Variants in SCAI observed in about 807,000 individuals in gnomAD.
SCAI encodes the protein protein SCAI.
Under a neutral mutation model 92.2 loss-of-function variants are expected in SCAI, and 24 were observed. The ratio of observed to expected loss-of-function variants is 0.26; its 90% CI spans 0.19 to 0.37. The LOEUF (loss-of-function observed/expected upper bound fraction) is 0.37, where lower values mean the gene tolerates loss of function less well. SCAI is among the 10% of genes least tolerant of loss of function. SCAI has a pLI of 1.00. For missense variants in SCAI, 450 were observed against 736.2 expected, an observed-to-expected ratio of 0.61 and a Z score of 4.50; for synonymous variants, 261 against 258.6, an observed-to-expected ratio of 1.01 and a Z score of -0.09.
At chr9:125,056,994 A>C (rs778034862) in intron 2 of SCAI, among the ~76,000 whole-genome samples, 6 of 152,236 alleles carry the variant, frequency 3.9e-5, no homozygotes, top group Non-Finnish European at 8.8e-5. Flanking sequence ...TGCCATGTAA[A>C]AACAGAAAAC....
At chr9:124,968,630 C>T (rs958464105) in intron 17 of SCAI, 14 of 971,708 alleles carry the variant, frequency 1.4e-5, no homozygotes, top group East Asian at 7.2e-5. Context: ...GTGATTCCTC[C>T]GCTAGTCTTT....
At chr9:125,140,414 G>C (rs1835640740) in intron 2 of SCAI, among the ~76,000 whole-genome samples, 1 of 152,096 alleles carries the variant, frequency 6.6e-6, no homozygotes. Context: ...TGTAATCCCA[G>C]CTAATCGGGA....
intron 9 of SCAI, among the ~76,000 whole-genome samples, chr9:125,012,459 A>G (rs1182007875): frequency 1.3e-5 from 2 of 152,242 alleles, no homozygotes; most frequent in East Asian, 3.8e-4. Context: ...TGGTAAAGGG[A>G]TCGATTCAAC....
intron 2 of SCAI, among the ~76,000 whole-genome samples, chr9:125,061,288 C>G (rs989315649): frequency 6.6e-6 from 1 of 151,686 alleles, no homozygotes; most frequent in Non-Finnish European, 1.5e-5. Context: ...TACAGCGAGA[C>G]TCCGTCTCAA....
At chr9:125,059,827 C>T (rs1016658744) in intron 2 of SCAI, among the ~76,000 whole-genome samples, 4 of 152,188 alleles carry the variant, frequency 2.6e-5, no homozygotes, top group Non-Finnish European at 1.5e-5. Context: ...CTAGCACACA[C>T]GTACCTATTC....
At chr9:125,084,328 G>A (rs913138667) in intron 2 of SCAI, among the ~76,000 whole-genome samples, 2 of 151,692 alleles carry the variant, frequency 1.3e-5, no homozygotes, top group Non-Finnish European at 2.9e-5. Flanking sequence ...CCACCACCAC[G>A]CCCGGCTAAC....
At chr9:125,031,379 A>C (rs955785942) in intron 3 of SCAI, among the ~76,000 whole-genome samples, 1 of 151,688 alleles carries the variant, frequency 6.6e-6, no homozygotes, top group East Asian at 1.9e-4. Flanking sequence ...CTCCTGCCTC[A>C]GCCTCCCAAG....
chr9:125,024,501 T>C (rs897513282), intron 6 of SCAI, among the ~76,000 whole-genome samples: 4 of 152,198 alleles, frequency 2.6e-5, no homozygotes, highest in African/African-American at 9.6e-5. Context: ...GGTCTCGATC[T>C]CCTGACCTCA....
At chr9:125,000,428 C>A (rs181353548) in intron 12 of SCAI, among the ~76,000 whole-genome samples, 1 of 152,122 alleles carries the variant, frequency 6.6e-6, no homozygotes, top group Admixed American at 6.6e-5. Context: ...AGCAGGAGGA[C>A]TGCATGAGGC....
intron 4 of SCAI, among the ~76,000 whole-genome samples, chr9:125,029,370 C>T (rs1261200383): frequency 6.6e-6 from 1 of 152,150 alleles, no homozygotes; most frequent in Non-Finnish European, 1.5e-5. Flanking sequence ...AATCCTCCCA[C>T]CTTGGCCTCC....
chr9:125,113,318 C>A (rs1239489089), intron 2 of SCAI, among the ~76,000 whole-genome samples: 3 of 152,152 alleles, frequency 2.0e-5, no homozygotes, highest in Non-Finnish European at 4.4e-5. Context: ...CCAATCTAAT[C>A]ATGAGAAAAA....
At chr9:125,048,120 A>G (rs1378589375) in intron 3 of SCAI, among the ~76,000 whole-genome samples, 1 of 152,174 alleles carries the variant, frequency 6.6e-6, no homozygotes, top group African/African-American at 2.4e-5. Flanking sequence ...CTGGGACTAC[A>G]GGCATGTGCC....
intron 2 of SCAI, among the ~76,000 whole-genome samples, chr9:125,071,952 T>G (rs767915165): frequency 5.3e-5 from 8 of 152,086 alleles, no homozygotes; most frequent in Non-Finnish European, 1.2e-4. Context: ...GGCATACAGA[T>G]CTGCATGAAT....
At chr9:125,040,745 C>A (rs1833303399) in intron 3 of SCAI, among the ~76,000 whole-genome samples, 1 of 152,050 alleles carries the variant, frequency 6.6e-6, no homozygotes, top group African/African-American at 2.4e-5. Context: ...CCTGACTCAG[C>A]CTCCTGAGTA....
At chr9:125,056,644 T>G (rs981420040) in intron 2 of SCAI, among the ~76,000 whole-genome samples, 1 of 152,220 alleles carries the variant, frequency 6.6e-6, no homozygotes, top group Non-Finnish European at 1.5e-5. Flanking sequence ...TATTGATTTA[T>G]TTGTCCATTT....
Position 125,008,609 on chromosome 9 carries a change from T to A in SCAI, c.862-5039A>T, listed in dbSNP as rs1270038367. Among the ~76,000 whole-genome samples the A allele has an allele frequency of 3.9e-5, 6 of 152,220 alleles. No individual in the cohort carries two copies. The South Asian group carries it at 6.2e-4, about 16-fold the overall frequency. On this transcript the variant is annotated intron_variant, in intron 9 of 17. Transcript: ENST00000336505. ...AGCAGATTAAACACATCAGAAGATATGGTTAGTGAAATGGAAAAGAAGTCA... is the reference window on the plus strand; with the variant it reads ...AGCAGATTAAACACATCAGAAGATAAGGTTAGTGAAATGGAAAAGAAGTCA...
At chr9:125,024,385 C>G (rs1210899948) in intron 6 of SCAI, among the ~76,000 whole-genome samples, 1 of 151,600 alleles carries the variant, frequency 6.6e-6, no homozygotes, top group East Asian at 2.0e-4. Context: ...AAGCGATTCT[C>G]ATGCCTCAGC....
At chr9:125,105,607 T>A (rs1371699055) in intron 2 of SCAI, among the ~76,000 whole-genome samples, 4 of 152,206 alleles carry the variant, frequency 2.6e-5, no homozygotes, top group Non-Finnish European at 5.9e-5. Context: ...ATAGTAGAAA[T>A]GGGCAATATA....
intron 17 of SCAI, among the ~76,000 whole-genome samples, chr9:124,955,579 C>T (rs987155439): frequency 2.0e-5 from 3 of 151,836 alleles, no homozygotes; most frequent in African/African-American, 4.8e-5. Context: ...TGAGAGCACG[C>T]CACTGCCCTC....
Sources: allele counts gnomAD v4.1 joint callset (sites outside exome capture counted in the v4.1 genomes callset), GRCh38; gene constraint gnomAD v4.1.1; transcripts MANE v1.5; gene names NCBI Gene and HGNC (gene_info 2026-07-23, HGNC 2026-07-21).